The following AGBL4 variants were observed in gnomAD, a reference collection of about 807,000 sequenced individuals.
AGBL4 encodes the protein cytosolic carboxypeptidase 6.
In AGBL4, 58 loss-of-function variants were observed where a neutral mutation model predicts 66.4. The ratio of observed to expected loss-of-function variants is 0.87; its 90% confidence interval spans 0.71 to 1.09. The LOEUF (loss-of-function observed/expected upper bound fraction) is 1.09. Ranked by LOEUF, AGBL4 falls within the 50% of genes least tolerant of loss-of-function variation. The pLI is 0.00. For synonymous variants in AGBL4, 234 were observed against 222.9 expected (o/e 1.05, Z -0.44); for missense variants, 579 against 631.0 (o/e 0.92, Z 0.88).
At chr1:48,589,581 T>C (rs953274711) in intron 10 of AGBL4, among the ~76,000 whole-genome samples, 5 of 152,226 alleles carry the variant, frequency 3.3e-5, no homozygotes, top group Non-Finnish European at 5.9e-5. Context: ...TTTCCAATAT[T>C]GCTTTTGCTA....
chr1:49,931,552 G>C (rs1416412465), intron 1 of AGBL4, among the ~76,000 whole-genome samples: 2 of 152,068 alleles, frequency 1.3e-5, no homozygotes, highest in African/African-American at 4.8e-5. Context: ...TTACTATCAT[G>C]AGAACAGCAA....
chr1:48,683,131 C>T (rs1361559747), intron 6 of AGBL4, among the ~76,000 whole-genome samples: 1 of 152,188 alleles, frequency 6.6e-6, no homozygotes, highest in Non-Finnish European at 1.5e-5. Context: ...TTCCTGCCTA[C>T]AAAACAGGGA....
At chr1:49,999,095 GAGAA>G (rs1264952707) in intron 1 of AGBL4, among the ~76,000 whole-genome samples, 3 of 151,944 alleles carry the variant, frequency 2.0e-5, no homozygotes, top group African/African-American at 7.3e-5. Context: ...AATCTGACAA[GAGAA>G]AGAAAGAAAG....
At chr1:49,897,031 T>C (rs1649294247) in intron 1 of AGBL4, among the ~76,000 whole-genome samples, 1 of 152,048 alleles carries the variant, frequency 6.6e-6, no homozygotes, top group Admixed American at 6.6e-5. Context: ...ACTGAAAGTC[T>C]ATCCTCTAAG....
At chr1:49,256,159 TA>T (rs1034219500) in intron 3 of AGBL4, among the ~76,000 whole-genome samples, 75 of 151,926 alleles carry the variant, frequency 4.9e-4, no homozygotes, top group African/African-American at 1.8e-3. Context: ...ACTTAAAAGT[TA>T]AAAAACACAA....
chr1:49,479,318 CA>C (rs1166661000), intron 3 of AGBL4, among the ~76,000 whole-genome samples: 3 of 151,062 alleles, frequency 2.0e-5, no homozygotes, highest in African/African-American at 7.3e-5. Context: ...ATTTTAAGTT[CA>C]GGGGTACATG....
chr1:48,641,337 C>T (rs1645751772), intron 8 of AGBL4, among the ~76,000 whole-genome samples: 1 of 151,606 alleles, frequency 6.6e-6, no homozygotes, highest in Non-Finnish European at 1.5e-5. Context: ...TGGAGGATTG[C>T]AGGCAGTGTC....
chr1:49,674,045 A>C (rs930904675), intron 3 of AGBL4, among the ~76,000 whole-genome samples: 1 of 152,136 alleles, frequency 6.6e-6, no homozygotes, highest in African/African-American at 2.4e-5. Context: ...TGCAGAAAAG[A>C]ATCATGAGTG....
chr1:48,639,347 G>A (rs1645719058), intron 8 of AGBL4, among the ~76,000 whole-genome samples: 1 of 152,158 alleles, frequency 6.6e-6, no homozygotes, highest in Non-Finnish European at 1.5e-5. Flanking sequence ...AAAGATGCAG[G>A]ATCCCTGGCT....
chr1:48,931,857 T>A (rs1655065427), intron 5 of AGBL4, among the ~76,000 whole-genome samples: 1 of 152,156 alleles, frequency 6.6e-6, no homozygotes, highest in Admixed American at 6.5e-5. Context: ...TTATTTATGG[T>A]TTATTTGTTC....
chr1:49,717,261 G>A (rs993400505), intron 2 of AGBL4, among the ~76,000 whole-genome samples: 10 of 152,004 alleles, frequency 6.6e-5, no homozygotes, highest in South Asian at 4.1e-4. Flanking sequence ...AATCAATATC[G>A]TGAAAATGGC....
chr1:48,993,731 A>G (rs1330063095), intron 5 of AGBL4, among the ~76,000 whole-genome samples: 2 of 152,122 alleles, frequency 1.3e-5, no homozygotes, highest in Non-Finnish European at 1.5e-5. Flanking sequence ...TGCTCCCTCC[A>G]TGAGTATTGG....
intron 3 of AGBL4, among the ~76,000 whole-genome samples, chr1:49,572,111 C>A (rs1423311289): frequency 6.6e-6 from 1 of 151,964 alleles, no homozygotes; most frequent in East Asian, 1.9e-4. Flanking sequence ...GGATTCTCTC[C>A]CACTCAATAT....
intron 5 of AGBL4, among the ~76,000 whole-genome samples, chr1:48,934,818 G>C (rs554882066): frequency 6.6e-6 from 1 of 152,164 alleles, no homozygotes; most frequent in African/African-American, 2.4e-5. Flanking sequence ...CTTTAATTTG[G>C]TGTTGTTCTA....
chr1:48,887,870 G>C (rs1650527376), intron 5 of AGBL4, among the ~76,000 whole-genome samples: 1 of 152,166 alleles, frequency 6.6e-6, no homozygotes, highest in Non-Finnish European at 1.5e-5. Context: ...TCCTCTCTGT[G>C]TTCCTAGAAT....
intron 3 of AGBL4, among the ~76,000 whole-genome samples, chr1:49,317,099 C>T (rs535287642): frequency 1.0e-3 from 151 of 151,728 alleles, no homozygotes; most frequent in Non-Finnish European, 1.5e-3. Context: ...TGGAGAGAAA[C>T]AAAAAAGTAA....
chr1:48,764,177 A>G (rs1243357790), intron 6 of AGBL4, among the ~76,000 whole-genome samples: 1 of 152,218 alleles, frequency 6.6e-6, no homozygotes, highest in African/African-American at 2.4e-5. Context: ...GGAGCATGGG[A>G]GATCACTTCC....
intron 5 of AGBL4, among the ~76,000 whole-genome samples, chr1:48,973,927 A>G (rs753253966): frequency 1.3e-4 from 20 of 152,180 alleles, no homozygotes; most frequent in Non-Finnish European, 2.6e-4. Flanking sequence ...AATGTGCTAC[A>G]GAGAACAAAG....
At chr1:48,698,107 G>A (rs1646742568) in intron 6 of AGBL4, among the ~76,000 whole-genome samples, 1 of 152,184 alleles carries the variant, frequency 6.6e-6, no homozygotes, top group Non-Finnish European at 1.5e-5. Context: ...CCCAGGCCAT[G>A]GTGACCCTCC....
Sources: allele counts gnomAD v4.1 joint callset (sites outside exome capture counted in the v4.1 genomes callset), GRCh38; gene constraint gnomAD v4.1.1; transcripts MANE v1.5; gene names NCBI Gene and HGNC (gene_info 2026-07-23, HGNC 2026-07-21).